Variants in BABAM2 observed in about 807,000 individuals in gnomAD.
The protein encoded by BABAM2 is BRISC and BRCA1-A complex member 2.
In BABAM2, 31 loss-of-function variants were observed where a neutral mutation model predicts 54.7. The ratio of observed to expected loss-of-function variants is 0.57; its 90% CI spans 0.43 to 0.77. The LOEUF is 0.77. Ranked by LOEUF, BABAM2 falls within the 30% of genes least tolerant of loss-of-function variation. The probability of loss-of-function intolerance (pLI) is 0.00; values close to 1 mark genes in which losing one functional copy is unlikely to be tolerated. For synonymous variants in BABAM2, 167 were observed against 162.9 expected, an observed-to-expected ratio of 1.03 and a Z score of -0.19; for missense variants, 364 against 455.8, an observed-to-expected ratio of 0.80 and a Z score of 1.83.
At chr2:27,955,805 CTA>C (rs1242107481) in intron 3 of BABAM2, among the ~76,000 whole-genome samples, 7 of 152,112 alleles carry the variant, frequency 4.6e-5, no homozygotes, top group African/African-American at 1.7e-4. Flanking sequence ...GATTTTCAAA[CTA>C]TACGAACAGA....
intron 11 of BABAM2, among the ~76,000 whole-genome samples, chr2:28,321,537 T>G (rs955708175): frequency 6.6e-6 from 1 of 152,166 alleles, no homozygotes; most frequent in African/African-American, 2.4e-5. Flanking sequence ...AGAATGAGGC[T>G]GTGTCACCAC....
At chr2:28,264,783 CAG>C (rs1330566594) in intron 10 of BABAM2, among the ~76,000 whole-genome samples, 7 of 152,300 alleles carry the variant, frequency 4.6e-5, no homozygotes, top group South Asian at 4.1e-4. Context: ...GTGGACTCCA[CAG>C]AGAGTAAACA....
At chr2:28,206,439 G>C (rs1678849500) in intron 7 of BABAM2, among the ~76,000 whole-genome samples, 1 of 152,112 alleles carries the variant, frequency 6.6e-6, no homozygotes, top group African/African-American at 2.4e-5. Context: ...GAATATTAGA[G>C]TGATCAGGAA....
At chr2:27,983,304 C>T (rs1302228617) in intron 3 of BABAM2, among the ~76,000 whole-genome samples, 2 of 152,112 alleles carry the variant, frequency 1.3e-5, no homozygotes, top group African/African-American at 2.4e-5. Flanking sequence ...TATTTATGGA[C>T]TCTGAATTCT....
In BABAM2 at chr2:28,026,874, TTATA is replaced by T. The variant is rs1274219205; in HGVS notation, c.495+1463_495+1466del. Among the ~76,000 whole-genome samples the T allele has an allele frequency of 1.9e-4, 9 of 47,538 alleles. 1 individual carries two copies. The highest frequency in any genetic ancestry group is 5.8e-4 in the African/African-American group (6 of 10,388). 31.2% of individuals were successfully genotyped at this position (47,538 alleles called of 152,430 possible). On this transcript the variant is annotated intron_variant, in intron 5 of 11. Transcript: ENST00000379624. ...TATTTATATATATAGATATATATAT[TTATA>T]TATATATAGATATATATAAATATAT...
At chr2:28,244,987 A>G (rs1682786108) in intron 10 of BABAM2, 125 bp downstream of exon 10, 2 of 693,474 alleles carry the variant, frequency 2.9e-6, no homozygotes, top group Non-Finnish European at 4.4e-6. Flanking sequence ...GTATATATAT[A>G]TTTATTGTGG....
chr2:28,332,080 A>G (rs571215041), intron 11 of BABAM2, among the ~76,000 whole-genome samples: 12 of 152,290 alleles, frequency 7.9e-5, no homozygotes, highest in African/African-American at 2.9e-4. Context: ...AACCAAACAC[A>G]TGTTGTCTCT....
At chr2:28,294,266 G>C (rs1687507987) in intron 10 of BABAM2, among the ~76,000 whole-genome samples, 2 of 151,998 alleles carry the variant, frequency 1.3e-5, no homozygotes, top group African/African-American at 4.8e-5. Context: ...TGTAATCCTA[G>C]CTACTTGGGA....
chr2:28,142,408 A>C (rs574542434), intron 7 of BABAM2, among the ~76,000 whole-genome samples: 1 of 152,322 alleles, frequency 6.6e-6, no homozygotes, highest in Admixed American at 6.5e-5. Flanking sequence ...AAAAAGCCTG[A>C]AATCTACCTT....
chr2:28,065,902 A>G (rs1663485819), intron 6 of BABAM2, among the ~76,000 whole-genome samples: 1 of 149,544 alleles, frequency 6.7e-6, no homozygotes, highest in South Asian at 2.2e-4. Context: ...GCACTTTGGG[A>G]GGCCGAGGCA....
intron 6 of BABAM2, among the ~76,000 whole-genome samples, chr2:28,063,595 G>A (rs1264514980): frequency 6.6e-6 from 1 of 152,172 alleles, no homozygotes; most frequent in Admixed American, 6.5e-5. Flanking sequence ...TCTACACAGT[G>A]AGAATGAAAG....
chr2:28,015,574 C>T (rs1369047710), intron 4 of BABAM2, among the ~76,000 whole-genome samples: 2 of 152,134 alleles, frequency 1.3e-5, no homozygotes, highest in African/African-American at 4.8e-5. Flanking sequence ...AAGCAGCAGG[C>T]AGCATTTATG....
chr2:28,024,435 A>T (rs1274290290), intron 4 of BABAM2, among the ~76,000 whole-genome samples: 3 of 152,170 alleles, frequency 2.0e-5, no homozygotes. Context: ...TGATGAAGTA[A>T]CAAAAACTAT....
At chr2:28,020,608 T>A (rs1365940310) in intron 4 of BABAM2, among the ~76,000 whole-genome samples, 1 of 152,152 alleles carries the variant, frequency 6.6e-6, no homozygotes, top group Non-Finnish European at 1.5e-5. Flanking sequence ...ATATCTCTCC[T>A]CATTTAGTGT....
rs565104848 is a variant in BABAM2 at position 28,297,508 on chromosome 2, A to G, written c.935-830A>G. ...TTAATGATGATTTGCCTCAACTAAT[A>G]ACAAGTCAGTTTACTTTTAAAAATT... On this transcript the variant is annotated intron_variant, in intron 10 of 11. Coordinates refer to ENST00000379624, the MANE Select transcript of BABAM2 (RefSeq NM_199191.3). 5.3e-5 allele frequency among the ~76,000 whole-genome samples: 8 copies of G among 152,344 alleles called. No individual in the cohort carries two copies. The East Asian group carries it at 1.5e-3, about 29-fold the overall frequency.
At chr2:28,254,529 T>A (rs1458218739) in intron 10 of BABAM2, among the ~76,000 whole-genome samples, 1 of 149,454 alleles carries the variant, frequency 6.7e-6, no homozygotes, top group African/African-American at 2.5e-5. Context: ...AAAAAAAAAA[T>A]TATTGTAGAA....
intron 4 of BABAM2, among the ~76,000 whole-genome samples, chr2:28,021,127 A>G (rs1675226506): frequency 6.6e-6 from 1 of 152,186 alleles, no homozygotes; most frequent in South Asian, 2.1e-4. Context: ...TTTTTGCCCA[A>G]CTTTCTTCTC....
intron 6 of BABAM2, among the ~76,000 whole-genome samples, chr2:28,049,107 G>A (rs1303924591): frequency 1.3e-5 from 2 of 152,130 alleles, no homozygotes; most frequent in Non-Finnish European, 2.9e-5. Flanking sequence ...CAGTATTTTG[G>A]GGGATAGGAG....
chr2:28,079,728 T>G (rs1573537260), intron 6 of BABAM2, among the ~76,000 whole-genome samples: 1 of 152,306 alleles, frequency 6.6e-6, no homozygotes, highest in East Asian at 1.9e-4. Flanking sequence ...TAATTCTCTG[T>G]AAATGTAAGC....
Sources: gnomAD v4.1 joint callset for allele counts (sites outside exome capture counted in the v4.1 genomes callset) on GRCh38, gnomAD v4.1.1 for gene constraint, MANE v1.5 for transcripts, NCBI Gene and HGNC (gene_info 2026-07-23, HGNC 2026-07-21) for gene names.